GALNS: variants seen among roughly 807,000 people sequenced by gnomAD.
GALNS encodes galactosamine (N-acetyl)-6-sulfatase.
In GALNS, 65 loss-of-function variants were observed where a neutral mutation model predicts 65.9. That is an observed-to-expected ratio of 0.99 (90% CI 0.81 to 1.21). The LOEUF is 1.21. Among genes scored for constraint, GALNS ranks in the 50% most tolerant of loss-of-function variants. The pLI, the probability that GALNS is intolerant of heterozygous loss-of-function variation, is 0.00. For missense variants in GALNS, 776 were observed against 700.7 expected (o/e 1.11, Z -1.21); for synonymous variants, 346 against 288.9 (o/e 1.20, Z -2.00).
intron 9 of GALNS, among the ~76,000 whole-genome samples, chr16:88,828,776 C>T (rs775612700): frequency 6.6e-6 from 1 of 152,224 alleles, no homozygotes; most frequent in Non-Finnish European, 1.5e-5. Context: ...TCCCTGAACC[C>T]ACTACGCATG....
At chr16:88,816,441 G>A in intron 13 of GALNS, 1 of 985,412 alleles carries the variant, frequency 1.0e-6, no homozygotes, top group Non-Finnish European at 1.2e-6. Flanking sequence ...TGAGTCCAGA[G>A]GCGGGGACGC....
At chr16:88,854,806 C>T (rs1967704327) in intron 1 of GALNS, among the ~76,000 whole-genome samples, 2 of 152,270 alleles carry the variant, frequency 1.3e-5, no homozygotes, top group Admixed American at 6.5e-5. Flanking sequence ...CCCACTGTTG[C>T]TTGTCACTTT....
chr16:88,827,530 T>C (rs898370515), intron 9 of GALNS, among the ~76,000 whole-genome samples: 1 of 152,214 alleles, frequency 6.6e-6, no homozygotes, highest in African/African-American at 2.4e-5. Flanking sequence ...CACCACAACC[T>C]CTGCCTTCCA....
chr16:88,833,711 A>T (rs1911765616), intron 8 of GALNS, among the ~76,000 whole-genome samples: 1 of 151,796 alleles, frequency 6.6e-6, no homozygotes, highest in South Asian at 2.1e-4. Flanking sequence ...CAGCCTCCCA[A>T]AGTGCTGGGA....
chr16:88,835,192 G>A (rs775820610), intron 8 of GALNS, 21 bp downstream of exon 8: 9 of 1,563,910 alleles, frequency 5.8e-6, no homozygotes, highest in Admixed American at 1.9e-5. Flanking sequence ...GAAACCGTGA[G>A]AAGTGACAGC....
Position 88,832,005 on chromosome 16 carries a change from G to A in GALNS, c.995C>T (p.Ala332Val), listed in dbSNP as rs769096726. The A allele has an allele frequency of 6.2e-6, 10 of 1,613,170 alleles. No homozygotes were observed. The highest frequency in any genetic ancestry group is 7.6e-6 in the Non-Finnish European group (9 of 1,179,588). The part of the protein sequence containing the change: ...ALAWWPGHVT[A>V]GQVSHQLGSI... ...CGGTGGACGCTGACTCACCTGGCCT[G>A]CAGTGACGTGCCCTGGCCACCATGC... is the stretch of plus-strand genomic sequence containing the variant. Residue 332 changes from alanine (A) to valine (V), a missense_variant, in exon 9 of 14, where the codon GCA becomes GTA. Ala to Val is a moderately conservative substitution (Grantham distance 64). Transcript: ENST00000268695.
At chr16:88,819,572 C>G (rs1465182477) in intron 12 of GALNS, among the ~76,000 whole-genome samples, 1 of 152,214 alleles carries the variant, frequency 6.6e-6, no homozygotes, top group African/African-American at 2.4e-5. Context: ...GGATCTTGCT[C>G]TGTTACCCAG....
chr16:88,814,977 C>T (rs1443410479), intron 13 of GALNS: 5 of 944,638 alleles, frequency 5.3e-6, no homozygotes, highest in Admixed American at 6.2e-5. Flanking sequence ...AGGTGATCCA[C>T]CTGCCTTGGC....
At chr16:88,822,476 A>G (rs1177795409) in intron 12 of GALNS, 113 bp downstream of exon 12, 12 of 1,389,686 alleles carry the variant, frequency 8.6e-6, no homozygotes, top group Middle Eastern at 4.4e-4. Context: ...CAGCAGATGC[A>G]GGCAAGGGGA....
chr16:88,856,912 A>G lies in GALNS; in HGVS notation c.-35T>C, dbSNP rs1161394043. The stretch of plus-strand genomic sequence containing the variant: ...GGGAGCCGCGGAGCCCCGGCCAGCG[A>G]GCCGACCTAGCGAGCGTCCGCCGGC... On this transcript the variant is annotated 5_prime_UTR_variant, in exon 1 of 14. Transcript: ENST00000268695. The G allele has an allele frequency of 6.7e-7, 1 of 1,495,762 alleles. No homozygotes were observed. 92.7% of individuals were successfully genotyped at this position (1,495,762 alleles called of 1,614,324 possible).
rs1911013568 is a variant in GALNS, at chr16:88,827,123, G to A, written c.1003-285C>T. On this transcript the variant is annotated intron_variant, in intron 9 of 13. Coordinates refer to ENST00000268695, the MANE Select transcript of GALNS (RefSeq NM_000512.5). ...AAAGGAGAATCACAGCCCTCCCAGG[G>A]AGATGCCCCTCCAGGCCCACCTGTC... 5.4e-6 allele frequency: 3 copies of A among 551,612 alleles called. No individual in the cohort carries two copies. The South Asian group carries it at 6.1e-5, about 11-fold the overall frequency. The allele number at this position is 551,612 out of a possible 1,614,324, so 34.2% of individuals were successfully genotyped here. A position where few individuals can be genotyped will look rare whatever the true frequency, so the allele number is the denominator to read the frequency against.
intron 1 of GALNS, among the ~76,000 whole-genome samples, chr16:88,850,536 G>T (rs977135822): frequency 6.6e-6 from 1 of 152,104 alleles, no homozygotes; most frequent in Non-Finnish European, 1.5e-5. Context: ...GGGGCTCCAC[G>T]CTCACCACTG....
intron 1 of GALNS, among the ~76,000 whole-genome samples, chr16:88,849,884 G>A (rs1967426344): frequency 6.6e-6 from 1 of 152,244 alleles, no homozygotes; most frequent in Non-Finnish European, 1.5e-5. Flanking sequence ...CTCATGGGCT[G>A]AGAAGGGACC....
intron 8 of GALNS, among the ~76,000 whole-genome samples, chr16:88,834,259 A>G (rs1911828476): frequency 6.6e-6 from 1 of 151,854 alleles, no homozygotes; most frequent in African/African-American, 2.4e-5. Flanking sequence ...GAAGCCCCCA[A>G]TCCCCGCAGC....
At chr16:88,854,667 G>A (rs1453390503) in intron 1 of GALNS, among the ~76,000 whole-genome samples, 1 of 152,214 alleles carries the variant, frequency 6.6e-6, no homozygotes, top group African/African-American at 2.4e-5. Context: ...TGACTGCAGG[G>A]GTGACTTGGA....
rs752159331 is a variant in GALNS, at chr16:88,835,234, G to C, written c.877C>G (p.Leu293Val). 1 of 1,596,442 alleles carries C rather than the reference G, an allele frequency of 6.3e-7. No homozygotes were observed. Among genetic ancestry groups the C allele is most frequent in the Non-Finnish European group, 8.5e-7 (1 of 1,170,536 alleles). The change falls in exon 8 of 14, where the codon CTC becomes GTC. Residue 293 changes from leucine (L) to valine (V), a missense_variant. Transcript: ENST00000268695. Reference protein sequence around the residue: ...VFFTSDNGAALISAPEQGGSN... With the variant: ...VFFTSDNGAAVISAPEQGGSN... Reference sequence around the variant, plus strand: ...TCACCTTGTTCGGGGGCGGAAATGAGGGCAGCGCCGTTGTCCGACGTGAAG... The same window carrying C: ...TCACCTTGTTCGGGGGCGGAAATGACGGCAGCGCCGTTGTCCGACGTGAAG...
rs554367594 is a variant in GALNS, at chr16:88,822,668, T to C, written c.1285A>G (p.Thr429Ala). ...CPGQNVSGVT[T>A]HNLEDHTKLP... The stretch of plus-strand genomic sequence containing the variant: ...TTCGTGTGGTCTTCCAGATTGTGAG[T>C]TGTGACCCCTGAAACGTTCTGCCCA... The change falls in exon 12 of 14, where the codon ACT becomes GCT. Residue 429 changes from threonine to alanine, a missense_variant. Thr to Ala is a moderately conservative substitution (Grantham distance 58). Coordinates refer to ENST00000268695, the MANE Select transcript of GALNS (RefSeq NM_000512.5). 5.6e-6 allele frequency: 9 copies of C among 1,612,978 alleles called. No homozygotes were observed. The highest frequency in any genetic ancestry group is 2.2e-5 in the East Asian group (1 of 44,846).
At chr16:88,817,305 C>T (rs1489187874) in intron 13 of GALNS, 37 of 985,280 alleles carry the variant, frequency 3.8e-5, no homozygotes, top group Admixed American at 6.2e-5. Context: ...TTTGGAGGCA[C>T]GTCTGTGCTT....
intron 2 of GALNS, 168 bp from the exon 3 acceptor site, chr16:88,842,139 G>A (rs1035242357): frequency 4.2e-6 from 3 of 711,330 alleles, no homozygotes; most frequent in Admixed American, 4.0e-5. Flanking sequence ...CACCACCTGG[G>A]TGGGGCACGG....
Sources: gnomAD v4.1 joint callset for allele counts (sites outside exome capture counted in the v4.1 genomes callset) on GRCh38, gnomAD v4.1.1 for gene constraint, MANE v1.5 for transcripts, NCBI Gene and HGNC (gene_info 2026-07-23, HGNC 2026-07-21) for gene names.